Variants in SAMD5 observed in about 807,000 individuals in gnomAD.
SAMD5 encodes the protein sterile alpha motif domain-containing protein 5.
Under a neutral mutation model 11.3 loss-of-function variants are expected in SAMD5, and 13 were observed. The ratio of observed to expected loss-of-function variants is 1.15; its 90% CI spans 0.75 to 1.83. The LOEUF (loss-of-function observed/expected upper bound fraction) is 1.83. Among genes scored for constraint, SAMD5 ranks in the 40% most tolerant of loss-of-function variants. SAMD5 has a pLI of 0.00. For synonymous variants in SAMD5, 129 were observed against 111.3 expected, an observed-to-expected ratio of 1.16 and a Z score of -1.00; for missense variants, 255 against 239.1, an observed-to-expected ratio of 1.07 and a Z score of -0.44.
chr6:147,714,619 G>A (rs1393041018), intron 1 of SAMD5, among the ~76,000 whole-genome samples: 1 of 152,156 alleles, frequency 6.6e-6, no homozygotes, highest in Non-Finnish European at 1.5e-5. Context: ...TAAGTTAAAG[G>A]TGTTTTGGTT....
intron 1 of SAMD5, among the ~76,000 whole-genome samples, chr6:147,693,935 C>T (rs1791139941): frequency 6.6e-6 from 1 of 152,186 alleles, no homozygotes; most frequent in Admixed American, 6.5e-5. Flanking sequence ...CACCACTGCA[C>T]TCCAACCTGG....
chr6:147,847,177 CCCTT>C, the SAMD5 span, among the ~76,000 whole-genome samples: 1 of 152,062 alleles, frequency 6.6e-6, no homozygotes, highest in Non-Finnish European at 1.5e-5. Flanking sequence ...CTTCCTTCCT[CCCTT>C]CCTTCCTTCC....
At chr6:147,848,898 A>G in the SAMD5 span, among the ~76,000 whole-genome samples, 3 of 152,176 alleles carry the variant, frequency 2.0e-5, no homozygotes, top group Non-Finnish European at 4.4e-5. Context: ...TCCTTCATAC[A>G]AATTCAGAAA....
At position 147,594,468 on chromosome 6, in the gene SAMD5, C is replaced by A. The variant is rs574350413; in HGVS notation, c.162+85081C>A. 2.0e-5 allele frequency among the ~76,000 whole-genome samples: 3 copies of A among 152,274 alleles called. No homozygotes were observed. In the South Asian group the frequency reaches 6.2e-4, roughly 32 times the overall value. On this transcript the variant is annotated intron_variant, in intron 1 of 1. Coordinates refer to the SAMD5 transcript ENST00000566741. ...ATTATGCCAAGTTCTGAGTAGCAGA[C>A]ATAATTGAGACCGAGTTTGTTCTAC...
the SAMD5 span, among the ~76,000 whole-genome samples, chr6:147,900,513 C>A: frequency 4.6e-5 from 7 of 152,150 alleles, no homozygotes; most frequent in African/African-American, 1.7e-4. Flanking sequence ...TGCCCCAGCC[C>A]GTGATGCTGA....
intron 1 of SAMD5, among the ~76,000 whole-genome samples, chr6:147,639,679 T>A (rs1316990524): frequency 6.6e-6 from 1 of 152,184 alleles, no homozygotes; most frequent in African/African-American, 2.4e-5. Flanking sequence ...CCTTTCTGAT[T>A]AGGAAGCATT....
the SAMD5 span, among the ~76,000 whole-genome samples, chr6:147,796,680 T>C: frequency 6.6e-6 from 1 of 152,240 alleles, no homozygotes; most frequent in Admixed American, 6.5e-5. Context: ...TTCACGATAT[T>C]GATTCTTCCT....
chr6:147,688,620 T>G (rs990379194), intron 1 of SAMD5, among the ~76,000 whole-genome samples: 1 of 152,220 alleles, frequency 6.6e-6, no homozygotes, highest in African/African-American at 2.4e-5. Context: ...ATTCTTGGTT[T>G]TTAAAACTAC....
At chr6:147,713,619 T>C (rs182941734) in intron 1 of SAMD5, among the ~76,000 whole-genome samples, 95 of 152,288 alleles carry the variant, frequency 6.2e-4, no homozygotes, top group African/African-American at 2.1e-3. Flanking sequence ...GAAGAGATCA[T>C]AGTGTCTATC....
the SAMD5 span, among the ~76,000 whole-genome samples, chr6:147,881,977 A>C: frequency 0.039 from 5,896 of 152,278 alleles, 171 homozygotes; most frequent in Non-Finnish European, 0.058. Flanking sequence ...TGCATGAGAA[A>C]GTCTTCTCAG....
intron 1 of SAMD5, among the ~76,000 whole-genome samples, chr6:147,650,002 C>T (rs943991024): frequency 9.2e-5 from 14 of 152,178 alleles, no homozygotes; most frequent in Non-Finnish European, 1.3e-4. Flanking sequence ...TTATTGCCTA[C>T]ATCTGGACAC....
At chr6:147,644,482 C>A (rs1790367393) in intron 1 of SAMD5, among the ~76,000 whole-genome samples, 1 of 152,048 alleles carries the variant, frequency 6.6e-6, no homozygotes, top group South Asian at 2.1e-4. Flanking sequence ...ATCTAATGTG[C>A]TTTTTAATTT....
At chr6:147,766,276 A>T in the SAMD5 span, among the ~76,000 whole-genome samples, 2 of 152,172 alleles carry the variant, frequency 1.3e-5, no homozygotes, top group African/African-American at 4.8e-5. Flanking sequence ...TGAGAAAATT[A>T]TCAGACATAA....
chr6:147,584,521 C>T (rs997017242), intron 1 of SAMD5, among the ~76,000 whole-genome samples: 1 of 152,300 alleles, frequency 6.6e-6, no homozygotes, highest in South Asian at 2.1e-4. Context: ...AAGGCCTGGA[C>T]TAGCCAGGGC....
chr6:147,800,813 A>G, the SAMD5 span, among the ~76,000 whole-genome samples: 2 of 152,202 alleles, frequency 1.3e-5, no homozygotes, highest in Non-Finnish European at 2.9e-5. Flanking sequence ...ATGGGAAATT[A>G]CATTATTTAA....
At chr6:147,902,906 T>C in the SAMD5 span, among the ~76,000 whole-genome samples, 3 of 152,218 alleles carry the variant, frequency 2.0e-5, no homozygotes, top group Non-Finnish European at 4.4e-5. Context: ...AATTCCTTTT[T>C]GGATTTCCTA....
At chr6:147,825,777 T>C in the SAMD5 span, among the ~76,000 whole-genome samples, 1 of 152,220 alleles carries the variant, frequency 6.6e-6, no homozygotes, top group Admixed American at 6.5e-5. Flanking sequence ...TGAAAGAAAG[T>C]CATCTACTAG....
intron 1 of SAMD5, among the ~76,000 whole-genome samples, chr6:147,677,757 G>A (rs1474766375): frequency 6.6e-6 from 1 of 151,972 alleles, no homozygotes; most frequent in African/African-American, 2.4e-5. Flanking sequence ...GAGGTTAGAG[G>A]GTGTATGGTG....
intron 1 of SAMD5, among the ~76,000 whole-genome samples, chr6:147,546,830 C>T (rs1220578324): frequency 6.6e-6 from 1 of 152,176 alleles, no homozygotes; most frequent in Non-Finnish European, 1.5e-5. Flanking sequence ...TATCCCCATT[C>T]CCTTCTGCCC....
Sources: gnomAD v4.1 joint callset for allele counts (sites outside exome capture counted in the v4.1 genomes callset) on GRCh38, gnomAD v4.1.1 for gene constraint, MANE v1.5 for transcripts, NCBI Gene and HGNC (gene_info 2026-07-23, HGNC 2026-07-21) for gene names.